GRIP2: variants seen among roughly 807,000 people sequenced by gnomAD.
The protein encoded by GRIP2 is glutamate receptor interacting protein 2.
Under a neutral mutation model 108.3 loss-of-function variants are expected in GRIP2, and 58 were observed. The ratio of observed to expected loss-of-function variants is 0.54; its 90% CI spans 0.43 to 0.67. The LOEUF (loss-of-function observed/expected upper bound fraction) is 0.67. GRIP2 is among the 30% of genes least tolerant of loss of function. The pLI is 0.00. For missense variants in GRIP2, 1,278 were observed against 1,430.6 expected (o/e 0.89, Z 1.72); for synonymous variants, 586 against 598.2 (o/e 0.98, Z 0.30).
chr3:14,547,066 C>T (rs1307399602), upstream of GRIP2, among the ~76,000 whole-genome samples: 10 of 152,066 alleles, frequency 6.6e-5, no homozygotes, highest in Non-Finnish European at 1.5e-4. Flanking sequence ...GGACAGGTAA[C>T]GTGGTGACTG....
chr3:14,580,804 T>G, the GRIP2 span, among the ~76,000 whole-genome samples: 2 of 152,238 alleles, frequency 1.3e-5, no homozygotes, highest in African/African-American at 4.8e-5. Context: ...TGAAGGTATT[T>G]TTTAGATGTG....
the GRIP2 span, chr3:14,573,693 A>G: frequency 7.7e-6 from 11 of 1,432,412 alleles, no homozygotes; most frequent in Admixed American, 1.0e-4. Flanking sequence ...TCTGGTGCAG[A>G]TCGGCCACTT....
intron 1 of GRIP2, among the ~76,000 whole-genome samples, chr3:14,529,393 T>G (rs1200381485): frequency 6.6e-6 from 1 of 152,236 alleles, no homozygotes; most frequent in Non-Finnish European, 1.5e-5. Flanking sequence ...TTTATTTTTA[T>G]CTATGCTGAA....
chr3:14,509,430 T>C (rs1392157135), intron 17 of GRIP2, among the ~76,000 whole-genome samples: 1 of 152,184 alleles, frequency 6.6e-6, no homozygotes, highest in East Asian at 1.9e-4. Flanking sequence ...AGTCCCCCAA[T>C]GCCTCAGGAA....
In GRIP2 at chr3:14,492,795, G is replaced by A. The variant is rs966195211; in HGVS notation, c.*870C>T. ...GCTTGGGCTGAGCGGACGTGCAGAT[G>A]GGTCAGTGGCCACACGGCCTACAGA... On this transcript the variant is annotated 3_prime_UTR_variant, in exon 24 of 24. Coordinates refer to ENST00000621039, the MANE Select transcript of GRIP2 (RefSeq NM_001080423.4). 1.3e-5 allele frequency: 2 copies of A among 152,276 alleles called. No homozygotes were observed. The highest frequency in any genetic ancestry group is 4.8e-5 in the African/African-American group (2 of 41,462). The allele number at this position is 152,276 out of a possible 1,614,324, so 9.4% of individuals were successfully genotyped here.
At chr3:14,537,487 G>A (rs748881295) in intron 1 of GRIP2, among the ~76,000 whole-genome samples, 12 of 152,246 alleles carry the variant, frequency 7.9e-5, no homozygotes, top group Non-Finnish European at 1.3e-4. Flanking sequence ...TGTGTGCAGC[G>A]CACACATTGT....
intron 1 of GRIP2, among the ~76,000 whole-genome samples, chr3:14,527,339 G>C (rs1388165531): frequency 8.6e-5 from 11 of 128,514 alleles, no homozygotes; most frequent in African/African-American, 2.7e-4. Context: ...AAATTGGATT[G>C]TTTTTCAAAT....
the GRIP2 span, among the ~76,000 whole-genome samples, chr3:14,564,575 T>C: frequency 6.6e-6 from 1 of 152,202 alleles, no homozygotes; most frequent in Non-Finnish European, 1.5e-5. Context: ...GTGTGACATT[T>C]CATGAAAATG....
intron 1 of GRIP2, among the ~76,000 whole-genome samples, chr3:14,532,277 T>C (rs1694728935): frequency 6.6e-6 from 1 of 152,088 alleles, no homozygotes; most frequent in African/African-American, 2.4e-5. Context: ...TCCAGCCAGG[T>C]CTTTTTCATG....
the GRIP2 span, among the ~76,000 whole-genome samples, chr3:14,591,404 CA>C: frequency 6.6e-6 from 1 of 152,166 alleles, no homozygotes; most frequent in Non-Finnish European, 1.5e-5. Flanking sequence ...CCCACTCGGC[CA>C]CTTCCCAGCA....
intron 19 of GRIP2, among the ~76,000 whole-genome samples, chr3:14,506,108 G>A (rs1034400084): frequency 1.3e-5 from 2 of 152,234 alleles, no homozygotes; most frequent in Non-Finnish European, 2.9e-5. Context: ...TCCAGCCCCA[G>A]GGAGTGAGCT....
chr3:14,574,359 T>C, the GRIP2 span: 1 of 963,982 alleles, frequency 1.0e-6, no homozygotes, highest in East Asian at 2.5e-5. Context: ...GATGCGCTGG[T>C]TCCGCCGCGG....
the GRIP2 span, among the ~76,000 whole-genome samples, chr3:14,572,321 G>A: frequency 6.6e-6 from 1 of 151,676 alleles, no homozygotes; most frequent in Admixed American, 6.6e-5. Flanking sequence ...TGGTCGTCAA[G>A]ACACAAGCTA....
the GRIP2 span, among the ~76,000 whole-genome samples, chr3:14,591,327 A>C: frequency 2.0e-5 from 3 of 152,282 alleles, no homozygotes; most frequent in Admixed American, 2.0e-4. Flanking sequence ...CCATACTTCC[A>C]GGAGAAGCTG....
At chr3:14,560,851 TC>T (rs1161881758), upstream of GRIP2, among the ~76,000 whole-genome samples, 3 of 152,166 alleles carry the variant, frequency 2.0e-5, no homozygotes, top group Non-Finnish European at 4.4e-5. Flanking sequence ...ATCTCAGAGT[TC>T]CAGATTCCAG....
chr3:14,519,837 A>G (rs1694354620), intron 9 of GRIP2, among the ~76,000 whole-genome samples: 1 of 151,402 alleles, frequency 6.6e-6, no homozygotes, highest in African/African-American at 2.4e-5. Context: ...CCCTCATTCT[A>G]GCCCTTATAC....
intron 1 of GRIP2, among the ~76,000 whole-genome samples, chr3:14,550,198 C>A (rs1575035330): frequency 6.6e-6 from 1 of 152,184 alleles, no homozygotes; most frequent in East Asian, 1.9e-4. Context: ...GCCTCCCCGC[C>A]TCCCATTCCC....
In GRIP2 at chr3:14,512,717, T is replaced by G; in HGVS notation, c.1720+60A>C. The G allele has an allele frequency of 1.3e-6, 2 of 1,507,000 alleles. No individual in the cohort carries two copies. Among genetic ancestry groups the G allele is most frequent in the South Asian group, 1.1e-5 (1 of 87,320 alleles). 93.4% of individuals were successfully genotyped at this position (1,507,000 alleles called of 1,614,324 possible). The stretch of plus-strand genomic sequence containing the variant: ...AAATGCTGGTCTGAGCTTGGCAAGC[T>G]CTTTTTCCCCAGCAGTTGAGCTCGC... On this transcript the variant is annotated intron_variant, in intron 14 of 23. Transcript: ENST00000621039. The surrounding 1 kb of genome is among the most constrained non-coding windows in gnomAD (Gnocchi z 5.1).
rs1212390123 is a variant in GRIP2, at chr3:14,521,974, A to G, written c.567-187T>C. On this transcript the variant is annotated intron_variant, in intron 6 of 23. Coordinates refer to ENST00000621039, the MANE Select transcript of GRIP2 (RefSeq NM_001080423.4). The surrounding 1 kb of genome is among the most constrained non-coding windows in gnomAD (Gnocchi z 5.1). ...GGAATGAGCCACTCCAGGAGTGGGG[A>G]GCTGCATAAAGCAAGGGGGGGATGA... 1 of 550,756 alleles carries G rather than the reference A, an allele frequency of 1.8e-6. No homozygotes were observed. Among genetic ancestry groups the G allele is most frequent in the South Asian group, 2.6e-5 (1 of 37,928 alleles). The allele number at this position is 550,756 out of a possible 1,614,324, so 34.1% of individuals were successfully genotyped here.
Sources: allele counts gnomAD v4.1 joint callset (sites outside exome capture counted in the v4.1 genomes callset), GRCh38; gene constraint gnomAD v4.1.1; non-coding constraint Gnocchi (gnomAD v3.1); transcripts MANE v1.5; gene names NCBI Gene and HGNC (gene_info 2026-07-23, HGNC 2026-07-21).